RBFOX1: variants seen among roughly 807,000 people sequenced by gnomAD.
The protein encoded by RBFOX1 is RNA binding protein fox-1 homolog 1.
Under a neutral mutation model 57.7 loss-of-function variants are expected in RBFOX1, and 8 were observed. That is an observed-to-expected ratio of 0.14 (90% CI 0.08 to 0.25). The LOEUF (loss-of-function observed/expected upper bound fraction) is 0.25. Among genes scored for constraint, RBFOX1 ranks in the 10% least tolerant of loss-of-function variants. The probability of loss-of-function intolerance (pLI) is 1.00; values close to 1 mark genes in which losing one functional copy is unlikely to be tolerated. For synonymous variants in RBFOX1, 326 were observed against 222.4 expected (o/e 1.47, Z -4.15); for missense variants, 611 against 548.5 (o/e 1.11, Z -1.14).
chr16:7,708,588 A>G (rs1275255831), intron 14 of RBFOX1, among the ~76,000 whole-genome samples: 1 of 152,226 alleles, frequency 6.6e-6, no homozygotes, highest in African/African-American at 2.4e-5. Flanking sequence ...GATGCTGGAC[A>G]CTAACTTCAG....
At chr16:6,945,180 C>G (rs2079255985) in intron 3 of RBFOX1, among the ~76,000 whole-genome samples, 1 of 152,108 alleles carries the variant, frequency 6.6e-6, no homozygotes. Context: ...GGGCTGTGAC[C>G]TCAGACTGCT....
intron 3 of RBFOX1, among the ~76,000 whole-genome samples, chr16:6,885,290 C>T (rs149388577): frequency 6.6e-6 from 1 of 152,186 alleles, no homozygotes; most frequent in South Asian, 2.1e-4. Context: ...GACGCGTGTT[C>T]TCTATCCTCG....
intron 3 of RBFOX1, among the ~76,000 whole-genome samples, chr16:5,854,878 A>C (rs1443789758): frequency 3.3e-5 from 5 of 152,080 alleles, no homozygotes; most frequent in African/African-American, 4.8e-5. Flanking sequence ...CCGTATCCTC[A>C]CCAACACTTG....
intron 2 of RBFOX1, among the ~76,000 whole-genome samples, chr16:6,462,775 T>A (rs1027992137): frequency 3.4e-5 from 5 of 147,686 alleles, no homozygotes; most frequent in Admixed American, 7.0e-5. Context: ...CAACACTGGA[T>A]GTTAGCAATC....
At chr16:6,890,518 C>G (rs1482906450) in intron 3 of RBFOX1, among the ~76,000 whole-genome samples, 3 of 118,996 alleles carry the variant, frequency 2.5e-5, no homozygotes, top group Non-Finnish European at 5.5e-5. Context: ...GACTCCATCT[C>G]AAAACAAACA....
intron 3 of RBFOX1, among the ~76,000 whole-genome samples, chr16:6,879,022 T>C (rs1458429645): frequency 6.6e-6 from 1 of 152,196 alleles, no homozygotes; most frequent in Non-Finnish European, 1.5e-5. Flanking sequence ...CCCAGATTAC[T>C]AAACCATTTG....
intron 1 of RBFOX1, among the ~76,000 whole-genome samples, chr16:6,202,832 G>C (rs960412957): frequency 1.3e-5 from 2 of 152,038 alleles, no homozygotes. Context: ...CTGTTGCCCA[G>C]GCTGGAGTGC....
chr16:7,051,388 A>T (rs951346265), intron 3 of RBFOX1, among the ~76,000 whole-genome samples: 1 of 152,256 alleles, frequency 6.6e-6, no homozygotes, highest in Non-Finnish European at 1.5e-5. Context: ...GTCCTTGGAC[A>T]TTAAGTAAAA....
intron 3 of RBFOX1, among the ~76,000 whole-genome samples, chr16:5,774,147 A>G (rs182446976): frequency 7.2e-4 from 110 of 152,242 alleles, no homozygotes; most frequent in Middle Eastern, 6.8e-3. Flanking sequence ...GTGCAGGAGG[A>G]GGAGGAGTGG....
chr16:6,617,853 T>G (rs1284926605), intron 2 of RBFOX1, among the ~76,000 whole-genome samples: 1 of 152,090 alleles, frequency 6.6e-6, no homozygotes, highest in Non-Finnish European at 1.5e-5. Context: ...GTGATGTGAG[T>G]TTCAATAAGG....
chr16:6,701,708 C>G (rs1037232901), intron 3 of RBFOX1, among the ~76,000 whole-genome samples: 1 of 152,104 alleles, frequency 6.6e-6, no homozygotes, highest in African/African-American at 2.4e-5. Context: ...ACCTGAATGC[C>G]CATCAGCAGT....
chr16:7,369,346 G>A (rs1014112022), intron 4 of RBFOX1, among the ~76,000 whole-genome samples: 1 of 152,010 alleles, frequency 6.6e-6, no homozygotes, highest in Non-Finnish European at 1.5e-5. Flanking sequence ...CAAAGTGGAG[G>A]CCCTAGCAAG....
chr16:6,698,259 C>A (rs2058524), intron 3 of RBFOX1, among the ~76,000 whole-genome samples: 148,814 of 152,290 alleles, frequency 0.98, 72,783 homozygotes, highest in Middle Eastern at 1. Context: ...ATTAAGATGT[C>A]CACAGAAGAT....
At chr16:5,549,301 G>C (rs1278463573) in intron 2 of RBFOX1, among the ~76,000 whole-genome samples, 1 of 152,202 alleles carries the variant, frequency 6.6e-6, no homozygotes, top group Non-Finnish European at 1.5e-5. Flanking sequence ...GAGCTTGACT[G>C]TTCTTGGTTG....
chr16:6,693,281 G>A (rs1406193198), intron 3 of RBFOX1, among the ~76,000 whole-genome samples: 225 of 106,316 alleles, frequency 2.1e-3, no homozygotes, highest in Middle Eastern at 0.021. Flanking sequence ...CATCACCACC[G>A]TCATTAGCAA....
chr16:7,135,969 G>A (rs1245315098), intron 4 of RBFOX1, among the ~76,000 whole-genome samples: 1 of 152,190 alleles, frequency 6.6e-6, no homozygotes, highest in African/African-American at 2.4e-5. Flanking sequence ...CATAACAGTT[G>A]CATTCATTTT....
chr16:5,677,073 C>A (rs747902256), intron 3 of RBFOX1, among the ~76,000 whole-genome samples: 8 of 152,172 alleles, frequency 5.3e-5, no homozygotes, highest in Non-Finnish European at 1.2e-4. Context: ...TCTTCCCAGG[C>A]TGGTGGGAAG....
intron 2 of RBFOX1, among the ~76,000 whole-genome samples, chr16:6,526,426 C>G (rs538033848): frequency 1.3e-5 from 2 of 152,228 alleles, no homozygotes; most frequent in East Asian, 3.9e-4. Flanking sequence ...TTATAAGCAC[C>G]AGTCACACTA....
chr16:5,825,173 C>T (rs2055992255), intron 3 of RBFOX1, among the ~76,000 whole-genome samples: 1 of 152,200 alleles, frequency 6.6e-6, no homozygotes, highest in Non-Finnish European at 1.5e-5. Context: ...CCCAGCTCGG[C>T]TATGCACAGC....
Sources: allele counts gnomAD v4.1 joint callset (sites outside exome capture counted in the v4.1 genomes callset), GRCh38; gene constraint gnomAD v4.1.1; transcripts MANE v1.5; gene names NCBI Gene and HGNC (gene_info 2026-07-23, HGNC 2026-07-21).